AGO2: variants seen among roughly 807,000 people sequenced by gnomAD.
AGO2 encodes argonaute RISC catalytic component 2, also known as protein argonaute-2.
In AGO2, 5 loss-of-function variants were observed where a neutral mutation model predicts 102.3. That is an observed-to-expected ratio of 0.05 (90% confidence interval 0.03 to 0.10). The LOEUF is 0.10. AGO2 is among the 10% of genes least tolerant of loss of function. The probability of loss-of-function intolerance (pLI) is 1.00; values close to 1 mark genes in which losing one functional copy is unlikely to be tolerated. For synonymous variants in AGO2, 449 were observed against 473.1 expected, an observed-to-expected ratio of 0.95 and a Z score of 0.66; for missense variants, 541 against 1,183.7, an observed-to-expected ratio of 0.46 and a Z score of 7.97.
At chr8:140,551,715 G>C (rs2073001881) in intron 10 of AGO2, among the ~76,000 whole-genome samples, 1 of 151,690 alleles carries the variant, frequency 6.6e-6, no homozygotes, top group Admixed American at 6.6e-5. Context: ...ATAGTTGATG[G>C]GTGGGTGGAT....
chr8:140,604,618 A>G (rs1226512244), intron 1 of AGO2, among the ~76,000 whole-genome samples: 2 of 152,150 alleles, frequency 1.3e-5, no homozygotes, highest in East Asian at 3.9e-4. Flanking sequence ...TGAGGTCAGG[A>G]GATAGAGACC....
rs142853544 is a variant in AGO2 at position 140,562,784 on chromosome 8, C to T, written c.337-150G>A. 1.5e-3 allele frequency: 1,132 copies of T among 771,322 alleles called. 15 individuals carry two copies. The African/African-American group carries it at 0.017, about 12-fold the overall frequency. The allele number at this position is 771,322 out of a possible 1,614,324, so 47.8% of individuals were successfully genotyped here. A position where few individuals can be genotyped will look rare whatever the true frequency, so the allele number is the denominator to read the frequency against. ...CCACTAGCCACATGTGGCTATGGAGCACTTGAAATATGACCAAGGAACTGA... is the reference window on the plus strand; with the variant it reads ...CCACTAGCCACATGTGGCTATGGAGTACTTGAAATATGACCAAGGAACTGA... On this transcript the variant is annotated intron_variant, in intron 3 of 18. Coordinates refer to ENST00000220592, the MANE Select transcript of AGO2 (RefSeq NM_012154.5).
At chr8:140,548,590 TCTTCC>T in intron 12 of AGO2, among the ~76,000 whole-genome samples, 1 of 152,190 alleles carries the variant, frequency 6.6e-6, no homozygotes, top group Non-Finnish European at 1.5e-5. Flanking sequence ...AACAGCTTTT[TCTTCC>T]CTTCTTTTTT....
chr8:140,590,570 TGGAA>T (rs1247301027), intron 1 of AGO2, among the ~76,000 whole-genome samples: 2 of 151,890 alleles, frequency 1.3e-5, no homozygotes, highest in East Asian at 3.9e-4. Context: ...TGCCCCACGG[TGGAA>T]GGGAGTCAAC....
rs377384263 is a variant in AGO2 at position 140,539,473 on chromosome 8, G to T, written c.2035-19C>A. 537 of 1,602,532 alleles carry T rather than the reference G, an allele frequency of 3.4e-4. No individual in the cohort carries two copies. The African/African-American group carries it at 6.4e-3, about 19-fold the overall frequency. On this transcript the variant is annotated intron_variant, in intron 15 of 18. Coordinates refer to ENST00000220592, the MANE Select transcript of AGO2 (RefSeq NM_012154.5). The surrounding 1 kb of genome is among the most constrained non-coding windows in gnomAD (Gnocchi z 4.7). ...GGAGAACCTAGGGGTACGGGAGGGA[G>T]GAGGTTGTGCTTAAAGATGGTAGTG...
rs937527309 is a variant in AGO2, at chr8:140,528,009, G to A, written c.*4035C>T. 1 of 152,244 alleles carries A rather than the reference G, an allele frequency of 6.6e-6. No homozygotes were observed. Among genetic ancestry groups the A allele is most frequent in the East Asian group, 1.9e-4 (1 of 5,204 alleles). The allele number at this position is 152,244 out of a possible 1,614,324, so 9.4% of individuals were successfully genotyped here. A position where few individuals can be genotyped will look rare whatever the true frequency, so the allele number is the denominator to read the frequency against. Reference sequence around the variant, plus strand: ...CCTCCTGGGGACACTCCGGTGTCCCGGCTGCCTGACGTGTGGCCGGTCTAT... The same window carrying A: ...CCTCCTGGGGACACTCCGGTGTCCCAGCTGCCTGACGTGTGGCCGGTCTAT... On this transcript the variant is annotated 3_prime_UTR_variant, in exon 19 of 19. Coordinates refer to ENST00000220592, the MANE Select transcript of AGO2 (RefSeq NM_012154.5). This position sits in a 1 kb window ranked among gnomAD's most constrained non-coding sequence, Gnocchi z 4.5.
intron 1 of AGO2, among the ~76,000 whole-genome samples, chr8:140,600,987 C>T (rs896886475): frequency 6.6e-6 from 1 of 152,202 alleles, no homozygotes; most frequent in Non-Finnish European, 1.5e-5. Flanking sequence ...TCACCTCCAC[C>T]ATTTGTGTGC....
At chr8:140,607,451 A>G (rs944850189) in intron 1 of AGO2, among the ~76,000 whole-genome samples, 1 of 92,014 alleles carries the variant, frequency 1.1e-5, no homozygotes, top group African/African-American at 3.1e-5. Flanking sequence ...CACCTCTTAA[A>G]GAAAAATTAT....
intron 1 of AGO2, chr8:140,593,035 C>T (rs1402329263): frequency 2.6e-5 from 4 of 152,234 alleles, no homozygotes; most frequent in South Asian, 4.1e-4. Flanking sequence ...ATCAGCTGAC[C>T]GCCCTGATGA....
chr8:140,557,955 C>T lies in AGO2; in HGVS notation c.878+530G>A, dbSNP rs1199228374. Among the ~76,000 whole-genome samples, 1 of 152,212 alleles carries T rather than the reference C, an allele frequency of 6.6e-6. No individual in the cohort carries two copies. The highest frequency in any genetic ancestry group is 1.5e-5 in the Non-Finnish European group (1 of 68,030). The stretch of plus-strand genomic sequence containing the variant: ...GGCCTGGCACTTTCCATGGAATGAT[C>T]CATGAAATAAACGAACCCTACCGGC... On this transcript the variant is annotated intron_variant, in intron 7 of 18. Coordinates refer to ENST00000220592, the MANE Select transcript of AGO2 (RefSeq NM_012154.5). The surrounding 1 kb of genome is among the most constrained non-coding windows in gnomAD (Gnocchi z 5.9).
At chr8:140,631,362 T>C (rs1199352780) in intron 1 of AGO2, among the ~76,000 whole-genome samples, 1 of 151,894 alleles carries the variant, frequency 6.6e-6, no homozygotes, top group East Asian at 1.9e-4. Flanking sequence ...GCCAACATGG[T>C]GAAACCCCAT....
chr8:140,615,030 CACTA>C (rs2074123005), intron 1 of AGO2, among the ~76,000 whole-genome samples: 1 of 152,214 alleles, frequency 6.6e-6, no homozygotes, highest in South Asian at 2.1e-4. Flanking sequence ...AGCACAATTC[CACTA>C]ACTGTTTTAT....
chr8:140,584,024 G>A (rs2073603651), intron 2 of AGO2, among the ~76,000 whole-genome samples: 1 of 151,772 alleles, frequency 6.6e-6, no homozygotes, highest in Admixed American at 6.6e-5. Context: ...GTACATGACT[G>A]TATCTCTATC....
chr8:140,608,139 G>A (rs1253306066), intron 1 of AGO2, among the ~76,000 whole-genome samples: 1 of 152,154 alleles, frequency 6.6e-6, no homozygotes, highest in Non-Finnish European at 1.5e-5. Flanking sequence ...GGGCTTGTGA[G>A]CTCTGTCTGG....
intron 1 of AGO2, among the ~76,000 whole-genome samples, chr8:140,628,160 G>A (rs1298225992): frequency 6.6e-6 from 1 of 152,238 alleles, no homozygotes. Context: ...TGTGATTCCT[G>A]CTCCCCCGGC....
chr8:140,630,988 A>G (rs1045899037), intron 1 of AGO2, among the ~76,000 whole-genome samples: 1 of 152,174 alleles, frequency 6.6e-6, no homozygotes, highest in Non-Finnish European at 1.5e-5. Context: ...CAGGAGTTTG[A>G]GGCCGCAGTG....
intron 1 of AGO2, among the ~76,000 whole-genome samples, chr8:140,614,773 G>C (rs778145168): frequency 6.6e-6 from 1 of 152,230 alleles, no homozygotes; most frequent in Non-Finnish European, 1.5e-5. Flanking sequence ...CAAAACGGGA[G>C]GATGGCAGGA....
At chr8:140,536,937 A>T (rs1482169968) in intron 16 of AGO2, among the ~76,000 whole-genome samples, 2 of 152,152 alleles carry the variant, frequency 1.3e-5, no homozygotes, top group African/African-American at 4.8e-5. Context: ...TTCTTGTTGT[A>T]CAACAAATTC....
chr8:140,585,214 T>A lies in AGO2; in HGVS notation c.120A>T (p.Leu40Phe). 6.2e-7 allele frequency: 1 copy of A among 1,614,236 alleles called. No individual in the cohort carries two copies. Residue 40 changes from leucine to phenylalanine, a missense_variant, in exon 2 of 19, where the codon TTA becomes TTT. Physicochemically the swap from Leu to Phe is conservative, Grantham distance 22. Transcript: ENST00000220592. ...DFGTSGRTIK[L>F]QANFFEMDIP... ...TGTCCATTTCGAAGAAATTGGCCTG[T>A]AATTTGATTGTTCTCCCGGAGGTCC...
Sources: gnomAD v4.1 joint callset for allele counts (sites outside exome capture counted in the v4.1 genomes callset) on GRCh38, gnomAD v4.1.1 for gene constraint, Gnocchi (gnomAD v3.1) non-coding constraint, MANE v1.5 for transcripts, NCBI Gene and HGNC (gene_info 2026-07-23, HGNC 2026-07-21) for gene names.